The following PIK3C2G variants were observed in gnomAD, a reference collection of about 807,000 sequenced individuals.
PIK3C2G encodes the protein phosphatidylinositol-4-phosphate 3-kinase catalytic subunit type 2 gamma.
A neutral mutation model predicts 181.1 loss-of-function variants in PIK3C2G; 168 were observed. The observed-to-expected ratio is 0.93, with a 90% CI of 0.82 to 1.05. The LOEUF (loss-of-function observed/expected upper bound fraction) is 1.05. PIK3C2G is among the 50% of genes least tolerant of loss of function. The pLI is 0.00. For missense variants in PIK3C2G, 1,869 were observed against 1,732.8 expected (o/e 1.08, Z -1.40); for synonymous variants, 573 against 592.2 (o/e 0.97, Z 0.47).
intron 23 of PIK3C2G, among the ~76,000 whole-genome samples, chr12:18,504,441 G>A (rs560478444): frequency 6.6e-6 from 1 of 152,276 alleles, no homozygotes; most frequent in South Asian, 2.1e-4. Context: ...CTTTCTAAGT[G>A]AAGAACATTT....
chr12:18,274,208 CTG>C (rs1407392243), intron 1 of PIK3C2G, among the ~76,000 whole-genome samples: 1 of 152,126 alleles, frequency 6.6e-6, no homozygotes, highest in African/African-American at 2.4e-5. Flanking sequence ...GTTGGTGGGA[CTG>C]TAAACTAGTT....
intron 6 of PIK3C2G, among the ~76,000 whole-genome samples, 172 bp from the exon 7 acceptor site, chr12:18,320,790 G>T (rs1161232931): frequency 6.6e-6 from 1 of 152,214 alleles, no homozygotes; most frequent in Non-Finnish European, 1.5e-5. Context: ...TTTTGAAAAG[G>T]CTTATATAGT....
rs904191780 is a variant in PIK3C2G, at chr12:18,598,650, G to T, written c.4087+4081G>T. On this transcript the variant is annotated intron_variant, in intron 30 of 32. Transcript: ENST00000538779. ...AACAAAAGCCAAAATTGACAAATGG[G>T]ATCTAATTAAACTAAAGAACTTCTG... 8.1e-5 allele frequency among the ~76,000 whole-genome samples: 12 copies of T among 147,780 alleles called. 1 individual carries two copies. In the East Asian group the frequency reaches 1.6e-3, roughly 20 times the overall value.
At chr12:18,701,518 G>A in the PIK3C2G span, 66 of 1,613,664 alleles carry the variant, frequency 4.1e-5, no homozygotes, top group Non-Finnish European at 5.1e-5. Context: ...TTCTTGAAAA[G>A]CATTACTCCA....
chr12:18,289,130 ATAAG>A (rs1949580014), intron 3 of PIK3C2G, among the ~76,000 whole-genome samples: 1 of 152,210 alleles, frequency 6.6e-6, no homozygotes, highest in African/African-American at 2.4e-5. Context: ...TTACTCAAAA[ATAAG>A]TATGTTTGAG....
intron 25 of PIK3C2G, among the ~76,000 whole-genome samples, chr12:18,542,146 A>C (rs894697479): frequency 6.6e-6 from 1 of 151,846 alleles, no homozygotes; most frequent in Non-Finnish European, 1.5e-5. Context: ...ACTGGAATGC[A>C]ATTCAGACCT....
chr12:18,400,780 T>C (rs1243111331), intron 16 of PIK3C2G, among the ~76,000 whole-genome samples: 1 of 152,102 alleles, frequency 6.6e-6, no homozygotes, highest in Non-Finnish European at 1.5e-5. Flanking sequence ...TTACATACTA[T>C]TTTTGTACTC....
intron 18 of PIK3C2G, among the ~76,000 whole-genome samples, chr12:18,477,905 G>A (rs746892077): frequency 4.1e-4 from 63 of 152,060 alleles, no homozygotes; most frequent in Admixed American, 7.2e-4. Context: ...TGTTCACTGC[G>A]CAATATGATG....
At chr12:18,650,700 GTGTGTATATATCTATATATATA>G (rs1950439743), downstream of PIK3C2G, among the ~76,000 whole-genome samples, 25 of 43,824 alleles carry the variant, frequency 5.7e-4, 1 homozygote, top group African/African-American at 1.5e-3. Context: ...GTGTGTGTGT[GTGTGTATATATCTATATATATA>G]TATATATATA....
intron 1 of PIK3C2G, among the ~76,000 whole-genome samples, chr12:18,269,602 T>C (rs1948658782): frequency 6.6e-6 from 1 of 152,208 alleles, no homozygotes; most frequent in South Asian, 2.1e-4. Flanking sequence ...GAAACTGTTA[T>C]GGAATTATTT....
chr12:18,464,534 C>A (rs750037937), intron 18 of PIK3C2G, among the ~76,000 whole-genome samples: 46 of 152,054 alleles, frequency 3.0e-4, no homozygotes, highest in Non-Finnish European at 4.6e-4. Context: ...TTTGACAACT[C>A]CTATATGACC....
intron 18 of PIK3C2G, among the ~76,000 whole-genome samples, chr12:18,460,480 A>G (rs1306424669): frequency 6.6e-6 from 1 of 151,944 alleles, no homozygotes; most frequent in Non-Finnish European, 1.5e-5. Flanking sequence ...AGGCTGAGAC[A>G]GGAGAGTCGC....
chr12:18,318,117 C>G (rs1270603148), intron 6 of PIK3C2G, among the ~76,000 whole-genome samples: 1 of 152,074 alleles, frequency 6.6e-6, no homozygotes, highest in Non-Finnish European at 1.5e-5. Context: ...TGTGTTATGT[C>G]AAAACAGTAT....
intron 18 of PIK3C2G, among the ~76,000 whole-genome samples, chr12:18,485,922 A>G (rs1041058619): frequency 1.3e-5 from 2 of 152,178 alleles, no homozygotes; most frequent in African/African-American, 4.8e-5. Context: ...TAAAAACTAC[A>G]ATATTTAGGA....
intron 10 of PIK3C2G, 106 bp downstream of exon 10, chr12:18,343,466 A>AACACACACAC (rs61320852): frequency 2.0e-5 from 10 of 495,506 alleles, no homozygotes; most frequent in African/African-American, 1.6e-4. Flanking sequence ...GGTAACACAC[A>AACACACACAC]ACACACACAC....
At chr12:18,692,891 G>C in the PIK3C2G span, 1 of 1,602,334 alleles carries the variant, frequency 6.2e-7, no homozygotes, top group Non-Finnish European at 8.5e-7. Context: ...AAAAGAAGAA[G>C]AAAACAAAGG....
intron 15 of PIK3C2G, among the ~76,000 whole-genome samples, chr12:18,395,297 T>C (rs1049595752): frequency 6.7e-6 from 1 of 150,166 alleles, no homozygotes; most frequent in South Asian, 2.1e-4. Context: ...TGATGTTCTA[T>C]ATAAAACACT....
At chr12:18,520,064 T>C (rs922981400) in intron 24 of PIK3C2G, among the ~76,000 whole-genome samples, 2 of 150,956 alleles carry the variant, frequency 1.3e-5, no homozygotes, top group Non-Finnish European at 2.9e-5. Context: ...TTCTGTCTTG[T>C]AGGGTTTCTG....
chr12:18,650,401 A>T (rs1950394708), downstream of PIK3C2G, among the ~76,000 whole-genome samples: 2 of 136,528 alleles, frequency 1.5e-5, no homozygotes, highest in East Asian at 2.2e-4. Context: ...ATACACACAC[A>T]TTTTTTTTTT....
Sources: allele counts gnomAD v4.1 joint callset (sites outside exome capture counted in the v4.1 genomes callset), GRCh38; gene constraint gnomAD v4.1.1; transcripts MANE v1.5; gene names NCBI Gene and HGNC (gene_info 2026-07-23, HGNC 2026-07-21).